Variants in ZEB2 observed in about 807,000 individuals in gnomAD.
ZEB2 encodes zinc finger E-box binding homeobox 2, also known as zinc finger E-box-binding homeobox 2.
A neutral mutation model predicts 99.9 loss-of-function variants in ZEB2; 6 were observed. The observed-to-expected ratio is 0.06, with a 90% CI of 0.03 to 0.12. The LOEUF (loss-of-function observed/expected upper bound fraction) is 0.12. Ranked by LOEUF, ZEB2 falls within the 10% of genes least tolerant of loss-of-function variation. ZEB2 has a pLI of 1.00. For missense variants in ZEB2, 969 were observed against 1,502.8 expected, an observed-to-expected ratio of 0.64 and a Z score of 5.87; for synonymous variants, 517 against 542.5, an observed-to-expected ratio of 0.95 and a Z score of 0.65.
chr2:144,398,961 T>A lies in ZEB2; in HGVS notation c.2226A>T (p.Pro742=), dbSNP rs540345773. The A allele has an allele frequency of 3.0e-5, 48 of 1,614,014 alleles. No homozygotes were observed. In the South Asian group the frequency reaches 4.5e-4, roughly 15 times the overall value. The change falls in exon 8 of 10, where the codon CCA becomes CCT. Residue 742 remains proline, a synonymous_variant. Transcript: ENST00000627532. ...PVKPMDSITS[P]SIAELHNSVT... The stretch of plus-strand genomic sequence containing the variant: ...CACTGTTGTGGAGTTCTGCTATAGA[T>A]GGTGATGTTATGGAGTCCATAGGTT...
At chr2:144,515,779 G>A (rs953034391) in intron 2 of ZEB2, among the ~76,000 whole-genome samples, 3 of 135,962 alleles carry the variant, frequency 2.2e-5, no homozygotes, top group South Asian at 5.0e-4. Context: ...ACACACACGC[G>A]TACACACACA....
At chr2:144,424,340 T>C (rs777023932) in intron 4 of ZEB2, 2 of 518,616 alleles carry the variant, frequency 3.9e-6, no homozygotes, top group Non-Finnish European at 7.7e-6. Context: ...AGATGATTAA[T>C]TATTGAGAGA....
At chr2:144,517,465 T>G in intron 1 of ZEB2, 46 bp from the exon 2 acceptor site, 1 of 1,356,766 alleles carries the variant, frequency 7.4e-7, no homozygotes, top group Non-Finnish European at 1.0e-6. Flanking sequence ...CCGCGCCCAT[T>G]GAAACGCGCG....
intron 2 of ZEB2, among the ~76,000 whole-genome samples, 196 bp downstream of exon 2, chr2:144,517,082 C>A (rs1705163076): frequency 6.7e-6 from 1 of 150,212 alleles, no homozygotes; most frequent in African/African-American, 2.4e-5. Context: ...TCACTTTGCC[C>A]GGCACTTCCC....
chr2:144,476,126 C>G (rs1259002780), intron 2 of ZEB2, among the ~76,000 whole-genome samples: 2 of 152,168 alleles, frequency 1.3e-5, no homozygotes, highest in Admixed American at 6.5e-5. Flanking sequence ...ATATTTTACA[C>G]TGGCTATTTT....
chr2:144,513,510 C>A, intron 2 of ZEB2: 1 of 1,526,592 alleles, frequency 6.6e-7, no homozygotes, highest in South Asian at 1.2e-5. Context: ...CTTTAAAAGA[C>A]AACTTCATTT....
At chr2:144,459,848 A>G (rs1469129321) in intron 2 of ZEB2, among the ~76,000 whole-genome samples, 6 of 152,198 alleles carry the variant, frequency 3.9e-5, no homozygotes, top group Non-Finnish European at 5.9e-5. Context: ...CTACGTATGT[A>G]TTCTTTAAAA....
At chr2:144,424,439 G>C (rs1703662963) in intron 4 of ZEB2, 1 of 531,006 alleles carries the variant, frequency 1.9e-6, no homozygotes, top group African/African-American at 1.9e-5. Flanking sequence ...CTGATATCAA[G>C]TGGTGGCTAG....
chr2:144,462,909 G>A (rs948685295), intron 2 of ZEB2: 2 of 152,176 alleles, frequency 1.3e-5, no homozygotes, highest in African/African-American at 4.8e-5. Flanking sequence ...ACCAAGATCA[G>A]TTTATAGGAG....
At chr2:144,417,883 A>G (rs1465364298) in intron 4 of ZEB2, among the ~76,000 whole-genome samples, 1 of 152,240 alleles carries the variant, frequency 6.6e-6, no homozygotes, top group Non-Finnish European at 1.5e-5. Flanking sequence ...GGATATGCTA[A>G]TCACCTTGAT....
At chr2:144,513,636 C>T in intron 2 of ZEB2, 2 of 1,533,516 alleles carry the variant, frequency 1.3e-6, no homozygotes, top group East Asian at 2.4e-5. Flanking sequence ...AGACCCTCTT[C>T]CCGGGCTCCG....
At chr2:144,420,161 TG>T (rs1703600649) in intron 4 of ZEB2, among the ~76,000 whole-genome samples, 1 of 152,242 alleles carries the variant, frequency 6.6e-6, no homozygotes, top group Non-Finnish European at 1.5e-5. Flanking sequence ...CTGGGCTTGT[TG>T]AGGCAAATGG....
intron 1 of ZEB2, chr2:144,517,821 T>C: frequency 1.7e-6 from 1 of 601,434 alleles, no homozygotes; most frequent in Non-Finnish European, 3.0e-6. Context: ...GTTCTCATCT[T>C]TTCTCATCCC....
chr2:144,435,879 A>AT lies in ZEB2; in HGVS notation c.74-5854dup, dbSNP rs1303241376. Among the ~76,000 whole-genome samples the AT allele has an allele frequency of 3.1e-4, 46 of 150,306 alleles. 1 individual carries two copies. The East Asian group carries it at 3.5e-3, about 12-fold the overall frequency. ...GAGAGGATGCAGCTATTTTTCAATA[A>AT]TTTTTGTCCAGTGACTCTTGCCCAT... On this transcript the variant is annotated intron_variant, in intron 2 of 9. Coordinates refer to ENST00000627532, the MANE Select transcript of ZEB2 (RefSeq NM_014795.4).
chr2:144,424,755 C>T, intron 4 of ZEB2, 41 bp downstream of exon 4: 1 of 1,611,834 alleles, frequency 6.2e-7, no homozygotes, highest in Admixed American at 1.7e-5. Flanking sequence ...ACCCACATGA[C>T]ACAGGACAAA....
intron 2 of ZEB2, among the ~76,000 whole-genome samples, chr2:144,467,923 G>A (rs186446711): frequency 6.6e-6 from 1 of 152,086 alleles, no homozygotes; most frequent in Admixed American, 6.6e-5. Context: ...AGCGCATTAC[G>A]ATTTAACACA....
intron 2 of ZEB2, among the ~76,000 whole-genome samples, chr2:144,493,077 C>G (rs926197162): frequency 6.6e-6 from 1 of 152,042 alleles, no homozygotes; most frequent in Non-Finnish European, 1.5e-5. Flanking sequence ...TGTATATTTC[C>G]TGGAAATGTA....
intron 2 of ZEB2, among the ~76,000 whole-genome samples, chr2:144,460,798 T>C (rs1025105843): frequency 6.6e-6 from 1 of 152,156 alleles, no homozygotes; most frequent in African/African-American, 2.4e-5. Flanking sequence ...ATTATGAATG[T>C]TGCAGTTACA....
Position 144,387,045 on chromosome 2 carries a change from G to GTATATATATATATATGTA in ZEB2, c.*2405_*2406insTACATATATATATATATA. On this transcript the variant is annotated 3_prime_UTR_variant, in exon 10 of 10. Coordinates refer to ENST00000627532, the MANE Select transcript of ZEB2 (RefSeq NM_014795.4). ...ATCCTTTCTGTGTATGTGTGTGTGT[G>GTATATATATATATATGTA]TATATATATATATATATACACACAC... 1 of 139,520 alleles carries GTATATATATATATATGTA rather than the reference G, an allele frequency of 7.2e-6. No individual in the cohort carries two copies. Among genetic ancestry groups the GTATATATATATATATGTA allele is most frequent in the South Asian group, 2.3e-4 (1 of 4,320 alleles). The allele number at this position is 139,520 out of a possible 1,614,324, so 8.6% of individuals were successfully genotyped here. A position where few individuals can be genotyped will look rare whatever the true frequency, so the allele number is the denominator to read the frequency against.
Sources: gnomAD v4.1 joint callset for allele counts (sites outside exome capture counted in the v4.1 genomes callset) on GRCh38, gnomAD v4.1.1 for gene constraint, MANE v1.5 for transcripts, NCBI Gene and HGNC (gene_info 2026-07-23, HGNC 2026-07-21) for gene names.